RTTN: variants seen among roughly 807,000 people sequenced by gnomAD.
RTTN encodes rotatin.
In RTTN, 182 loss-of-function variants were observed where a neutral mutation model predicts 269.2. The observed-to-expected ratio is 0.68, with a 90% CI of 0.60 to 0.76. The LOEUF is 0.76. RTTN is among the 30% of genes least tolerant of loss of function. The pLI, the probability that RTTN is intolerant of heterozygous loss-of-function variation, is 0.00. For missense variants in RTTN, 2,545 were observed against 2,608.6 expected, an observed-to-expected ratio of 0.98 and a Z score of 0.53; for synonymous variants, 1,006 against 963.5, an observed-to-expected ratio of 1.04 and a Z score of -0.82.
chr18:70,159,800 G>T (rs1309697598), intron 14 of RTTN, among the ~76,000 whole-genome samples: 1 of 152,002 alleles, frequency 6.6e-6, no homozygotes, highest in African/African-American at 2.4e-5. Context: ...AAAACTCTAT[G>T]CATACCAAAT....
At chr18:70,076,278 G>C (rs1027285956) in intron 32 of RTTN, among the ~76,000 whole-genome samples, 1 of 151,754 alleles carries the variant, frequency 6.6e-6, no homozygotes, top group Non-Finnish European at 1.5e-5. Flanking sequence ...CTATTTTCTG[G>C]GAAATGATAA....
At chr18:70,084,488 T>C (rs1303641389) in intron 32 of RTTN, among the ~76,000 whole-genome samples, 1 of 152,180 alleles carries the variant, frequency 6.6e-6, no homozygotes, top group Non-Finnish European at 1.5e-5. Context: ...GACAACCATC[T>C]TGTTTCCTTC....
chr18:70,178,111 G>A (rs879385320), intron 10 of RTTN, among the ~76,000 whole-genome samples: 2 of 152,144 alleles, frequency 1.3e-5, no homozygotes, highest in Non-Finnish European at 2.9e-5. Flanking sequence ...GGCCGGACGC[G>A]ATGGCTCACG....
chr18:70,180,696 C>A (rs1033037245), intron 10 of RTTN, among the ~76,000 whole-genome samples: 5 of 151,668 alleles, frequency 3.3e-5, no homozygotes, highest in Non-Finnish European at 5.9e-5. Flanking sequence ...TACAAAACCA[C>A]AAGTGACCCT....
At chr18:70,005,059 A>G in intron 48 of RTTN, 139 bp downstream of exon 48, 1 of 520,158 alleles carries the variant, frequency 1.9e-6, no homozygotes, top group South Asian at 3.5e-5. Context: ...TTAAAAAATG[A>G]TATAATTAAA....
At chr18:70,150,488 A>C in intron 15 of RTTN, 120 bp downstream of exon 15, 6 of 894,552 alleles carry the variant, frequency 6.7e-6, no homozygotes, top group Non-Finnish European at 1.1e-5. Context: ...GAACCAATGC[A>C]CCAAAGACAG....
chr18:70,036,927 A>C (rs2057191773), intron 40 of RTTN, among the ~76,000 whole-genome samples: 3 of 152,138 alleles, frequency 2.0e-5, no homozygotes, highest in African/African-American at 7.2e-5. Flanking sequence ...CCCCTCCCCT[A>C]TCTATCAGCA....
intron 25 of RTTN, among the ~76,000 whole-genome samples, chr18:70,124,955 C>T (rs1400911667): frequency 5.3e-5 from 8 of 152,076 alleles, no homozygotes; most frequent in African/African-American, 1.9e-4. Flanking sequence ...TGAAAGAAGA[C>T]TCTAGATACC....
intron 2 of RTTN, 119 bp downstream of exon 2, chr18:70,205,009 T>G: frequency 1.1e-6 from 1 of 917,176 alleles, no homozygotes; most frequent in Non-Finnish European, 1.7e-6. Flanking sequence ...ATTAAACATC[T>G]CTGGTTGATT....
At chr18:70,095,191 T>C (rs186605360) in intron 28 of RTTN, among the ~76,000 whole-genome samples, 81 of 152,212 alleles carry the variant, frequency 5.3e-4, no homozygotes, top group Admixed American at 2.5e-3. Context: ...AACTTATGTG[T>C]GTCTTGCATG....
intron 26 of RTTN, among the ~76,000 whole-genome samples, chr18:70,121,154 T>C (rs2059727544): frequency 6.6e-6 from 1 of 152,150 alleles, no homozygotes; most frequent in Non-Finnish European, 1.5e-5. Flanking sequence ...ATTTAAGGCC[T>C]GAACACACTT....
chr18:70,075,283 A>AT (rs2058397342), intron 33 of RTTN, 69 bp downstream of exon 33: 2 of 1,110,518 alleles, frequency 1.8e-6, no homozygotes, highest in South Asian at 1.6e-5. Flanking sequence ...TAAAACAAAT[A>AT]TATGTATTTT....
Position 70,109,620 on chromosome 18 carries a change from G to T in RTTN, c.3781C>A (p.Pro1261Thr). The T allele has an allele frequency of 6.2e-7, 1 of 1,614,058 alleles. No homozygotes were observed. Reference sequence around the variant, plus strand: ...CCTCGTAAGGTCCGCTCAAGGGACGGCAGGCCATAGAAATGAGGCGCATCC... The same window carrying T: ...CCTCGTAAGGTCCGCTCAAGGGACGTCAGGCCATAGAAATGAGGCGCATCC... ...VTDAPHFYGLPSLERTLRGMA... is the reference protein window; with the variant it reads ...VTDAPHFYGLTSLERTLRGMA... The change falls in exon 28 of 49, where the codon CCG becomes ACG. Residue 1261 changes from proline to threonine, a missense_variant. Physicochemically the swap from Pro to Thr is conservative, Grantham distance 38 (BLOSUM62 -1). Coordinates refer to ENST00000640769, the MANE Select transcript of RTTN (RefSeq NM_173630.4).
At chr18:70,045,102 A>C (rs2057456680) in intron 40 of RTTN, among the ~76,000 whole-genome samples, 1 of 152,194 alleles carries the variant, frequency 6.6e-6, no homozygotes. Context: ...CTCAAAATGG[A>C]CTTAGAAAAA....
chr18:70,150,747 T>C lies in RTTN; in HGVS notation c.1930-14A>G, dbSNP rs767184499. On this transcript the variant is annotated splice_polypyrimidine_tract_variant and intron_variant, in intron 14 of 48. Coordinates refer to ENST00000640769, the MANE Select transcript of RTTN (RefSeq NM_173630.4). ...ACCTAAACATTCCTGTAAAATAATA[T>C]TAAAAAGTATTTTTAAATTAGCAAC... 4 of 1,544,050 alleles carry C rather than the reference T, an allele frequency of 2.6e-6. No homozygotes were observed. In the African/African-American group the frequency reaches 4.2e-5, roughly 16 times the overall value.
chr18:70,147,880 C>T lies in RTTN; in HGVS notation c.2309+1021G>A, dbSNP rs11151572. Among the ~76,000 whole-genome samples, 110,251 of 151,982 alleles carry T rather than the reference C, an allele frequency of 0.73. 46,676 individuals are homozygous for T. Among genetic ancestry groups the T allele is most frequent in the East Asian group, 1 (5,150 of 5,168 alleles). ...GGGGGTTTGTTCAAGTAAGGAGTAC[C>T]ACACTAGCATGTTAATTAACAGGGA... On this transcript the variant is annotated intron_variant, in intron 17 of 48. Coordinates refer to ENST00000640769, the MANE Select transcript of RTTN (RefSeq NM_173630.4).
At chr18:70,143,493 G>A (rs1271274114) in intron 18 of RTTN, among the ~76,000 whole-genome samples, 1 of 152,088 alleles carries the variant, frequency 6.6e-6, no homozygotes, top group East Asian at 1.9e-4. Context: ...AATAACACAG[G>A]AACAGAAAAC....
At chr18:70,083,899 C>T (rs897476970) in intron 32 of RTTN, among the ~76,000 whole-genome samples, 1 of 69,602 alleles carries the variant, frequency 1.4e-5, no homozygotes, top group African/African-American at 3.1e-5. Context: ...CACAGTGAGA[C>T]CCCATCTTTT....
Position 70,006,849 on chromosome 18 carries a change from C to CT in RTTN, c.6422-366dup, listed in dbSNP as rs1351483576. ...TCTGGCAGGCAGAAAAACAGATCTG[C>CT]TTTCATGATAAATTATAAAGACTAT... is the stretch of plus-strand genomic sequence containing the variant. On this transcript the variant is annotated intron_variant, in intron 46 of 48. Transcript: ENST00000640769. 6 of 179,150 alleles carry CT rather than the reference C, an allele frequency of 3.3e-5. No homozygotes were observed. In the South Asian group the frequency reaches 7.2e-4, roughly 21 times the overall value. 11.1% of individuals were successfully genotyped at this position (179,150 alleles called of 1,614,324 possible). A position where few individuals can be genotyped will look rare whatever the true frequency, so the allele number is the denominator to read the frequency against.
Sources: allele counts gnomAD v4.1 joint callset (sites outside exome capture counted in the v4.1 genomes callset), GRCh38; gene constraint gnomAD v4.1.1; transcripts MANE v1.5; gene names NCBI Gene and HGNC (gene_info 2026-07-23, HGNC 2026-07-21).